APBB3: variants seen among roughly 807,000 people sequenced by gnomAD.
The protein encoded by APBB3 is amyloid beta precursor protein binding family B member 3.
A neutral mutation model predicts 61.5 loss-of-function variants in APBB3; 50 were observed. That is an observed-to-expected ratio of 0.81 (90% CI 0.65 to 1.03). The LOEUF is 1.03. APBB3 is among the 50% of genes least tolerant of loss of function. The pLI is 0.00. For synonymous variants in APBB3, 235 were observed against 233.0 expected, an observed-to-expected ratio of 1.01 and a Z score of -0.08; for missense variants, 550 against 637.4, an observed-to-expected ratio of 0.86 and a Z score of 1.48.
chr5:140,560,707 C>G lies in APBB3; in HGVS notation c.964G>C (p.Asp322His), dbSNP rs1256622127. The change falls in exon 11 of 13, where the codon GAC becomes CAC. Residue 322 changes from aspartate to histidine, a missense_variant. By Grantham distance (81) the Asp-to-His change is moderately conservative. Transcript: ENST00000357560. This position sits in a 1 kb window ranked among gnomAD's most constrained non-coding sequence, Gnocchi z 5.1. ...ATGGTGGGGACCCAGGCATTCCGGT[C>G]CCCCCTGGCGGTGAGGGTACCAATG... ...EAIGTLTARG[D>H]RNAWVPTMLS... The G allele has an allele frequency of 1.2e-6, 2 of 1,613,876 alleles. No individual in the cohort carries two copies. Among genetic ancestry groups the G allele is most frequent in the Non-Finnish European group, 1.7e-6 (2 of 1,179,942 alleles).
Position 140,558,314 on chromosome 5 carries a change from G to A in APBB3, c.*271C>T. The A allele has an allele frequency of 1.9e-6, 1 of 533,168 alleles. No individual in the cohort carries two copies. Among genetic ancestry groups the A allele is most frequent in the East Asian group, 3.5e-5 (1 of 28,596 alleles). 33.0% of individuals were successfully genotyped at this position (533,168 alleles called of 1,614,324 possible). On this transcript the variant is annotated 3_prime_UTR_variant, in exon 13 of 13. Transcript: ENST00000357560. Reference sequence around the variant, plus strand: ...ATTTGCACTGATTTTGCTATAAAGTGTTACTGAGGTAGAGCCAACTGTCCA... The same window carrying A: ...ATTTGCACTGATTTTGCTATAAAGTATTACTGAGGTAGAGCCAACTGTCCA...
In APBB3 at chr5:140,558,832, G is replaced by A. The variant is rs762823479; in HGVS notation, c.1225-11C>T. 6.2e-7 allele frequency: 1 copy of A among 1,610,572 alleles called. No individual in the cohort carries two copies. The highest frequency in any genetic ancestry group is 8.5e-7 in the Non-Finnish European group (1 of 1,178,552). ...CTTCTGGTACTGAACCTAGGGAGAA[G>A]GGGAATGTGAGGATCCAGCTACTTT... On this transcript the variant is annotated splice_polypyrimidine_tract_variant and intron_variant, in intron 12 of 12. Transcript: ENST00000357560.
rs1221166844 is a variant in APBB3 at position 140,560,712 on chromosome 5, C to G, written c.959G>C (p.Arg320Thr). The G allele has an allele frequency of 1.9e-6, 3 of 1,614,214 alleles. No individual in the cohort carries two copies. Among genetic ancestry groups the G allele is most frequent in the Admixed American group, 1.7e-5 (1 of 60,026 alleles). Residue 320 changes from arginine (R) to threonine (T), a missense_variant, in exon 11 of 13, where the codon AGG (arginine) becomes ACG (threonine). Physicochemically the swap from Arg to Thr is moderately conservative, Grantham distance 71. Transcript: ENST00000357560. This position sits in a 1 kb window ranked among gnomAD's most constrained non-coding sequence, Gnocchi z 5.1. Reference protein sequence around the residue: ...LNEAIGTLTARGDRNAWVPTM... With the variant: ...LNEAIGTLTATGDRNAWVPTM... ...GGGGACCCAGGCATTCCGGTCCCCC[C>G]TGGCGGTGAGGGTACCAATGGCCTC...
At chr5:140,562,324 C>T (rs1320060337) in intron 5 of APBB3, 29 bp downstream of exon 5, 1 of 1,612,818 alleles carries the variant, frequency 6.2e-7, no homozygotes, top group African/African-American at 1.3e-5. Context: ...GCCCTGGGCC[C>T]AAACCATTAA....
Position 140,561,114 on chromosome 5 carries a change from C to T in APBB3, c.833-13G>A, listed in dbSNP as rs1226434022. On this transcript the variant is annotated splice_polypyrimidine_tract_variant and intron_variant, in intron 9 of 12. Coordinates refer to ENST00000357560, the MANE Select transcript of APBB3 (RefSeq NM_133173.3). ...TCCAGCAGCTCCACTGAAATATACA[C>T]ACCAAGTTGGCCTGGAAGCTCTTTC... is the stretch of plus-strand genomic sequence containing the variant. 6.2e-7 allele frequency: 1 copy of T among 1,614,030 alleles called. No homozygotes were observed. Among genetic ancestry groups the T allele is most frequent in the Non-Finnish European group, 8.5e-7 (1 of 1,179,980 alleles).
At chr5:140,562,639 A>G (rs776030408) in intron 4 of APBB3, 24 bp downstream of exon 4, 29 of 1,613,828 alleles carry the variant, frequency 1.8e-5, no homozygotes, top group Non-Finnish European at 2.4e-5. Context: ...GGACCTCCCA[A>G]TGCCCTCAGG....
At position 140,560,254 on chromosome 5, in the gene APBB3, T is replaced by C. The variant is rs1177681188; in HGVS notation, c.1224+59A>G. The C allele has an allele frequency of 3.9e-6, 6 of 1,552,898 alleles. No homozygotes were observed. Among genetic ancestry groups the C allele is most frequent in the Non-Finnish European group, 4.4e-6 (5 of 1,139,964 alleles). ...AGAGGCTGCCGACCCGGAGCCCAAGTAAACAGTGGAGAGCAGCTGCAGGGC... is the reference window on the plus strand; with the variant it reads ...AGAGGCTGCCGACCCGGAGCCCAAGCAAACAGTGGAGAGCAGCTGCAGGGC... On this transcript the variant is annotated intron_variant, in intron 12 of 12. Transcript: ENST00000357560. The surrounding 1 kb of genome is among the most constrained non-coding windows in gnomAD (Gnocchi z 5.1).
chr5:140,563,421 A>T, intron 3 of APBB3, 173 bp downstream of exon 3: 2 of 713,840 alleles, frequency 2.8e-6, no homozygotes, highest in Non-Finnish European at 4.9e-6. Context: ...AGAACAAGGG[A>T]TAAAACTCAA....
In APBB3 at chr5:140,560,546, C is replaced by T. The variant is rs1337589580; in HGVS notation, c.1033-42G>A. 2 of 1,606,276 alleles carry T rather than the reference C, an allele frequency of 1.2e-6. No individual in the cohort carries two copies. Among genetic ancestry groups the T allele is most frequent in the Non-Finnish European group, 1.7e-6 (2 of 1,174,816 alleles). ...TAGTCACTAGAGGGCCAAGCACGGG[C>T]CAGACCCACTTAACTTTTCCGACAG... On this transcript the variant is annotated intron_variant, in intron 11 of 12. Transcript: ENST00000357560. This position sits in a 1 kb window ranked among gnomAD's most constrained non-coding sequence, Gnocchi z 5.1.
rs751386125 is a variant in APBB3 at position 140,560,795 on chromosome 5, A to G, written c.917-41T>C. ...CAGCGTGTCTCCCAGTGTAAAAGAA[A>G]GAGTCTGCAGGGAGTGTCTAGCCCC... On this transcript the variant is annotated intron_variant, in intron 10 of 12. Coordinates refer to ENST00000357560, the MANE Select transcript of APBB3 (RefSeq NM_133173.3). This position sits in a 1 kb window ranked among gnomAD's most constrained non-coding sequence, Gnocchi z 5.1. 2 of 1,577,664 alleles carry G rather than the reference A, an allele frequency of 1.3e-6. No homozygotes were observed. Among genetic ancestry groups the G allele is most frequent in the East Asian group, 2.2e-5 (1 of 44,576 alleles).
At chr5:140,561,252 A>T in intron 9 of APBB3, 113 bp downstream of exon 9, 1 of 1,480,944 alleles carries the variant, frequency 6.8e-7, no homozygotes, top group African/African-American at 1.4e-5. Context: ...GATCCCTGAG[A>T]CCAGACATCT....
At chr5:140,558,900 G>A in intron 12 of APBB3, 79 bp from the exon 13 acceptor site, 1 of 1,298,342 alleles carries the variant, frequency 7.7e-7, no homozygotes, top group Non-Finnish European at 1.1e-6. Flanking sequence ...ACAGGGAACT[G>A]GCCAAAGCTT....
chr5:140,561,286 T>C, intron 9 of APBB3, 79 bp downstream of exon 9: 1 of 1,550,478 alleles, frequency 6.4e-7, no homozygotes, highest in Non-Finnish European at 8.9e-7. Context: ...ACAGAAGTAT[T>C]AAATAACCAG....
Position 140,564,358 on chromosome 5 carries a change from A to C in APBB3, c.-113T>G, listed in dbSNP as rs919515075. ...TCTCTGCGCCGCAGGCTGCGGGGCC[A>C]GCTGGCGCCGCACAAATACGGGGCG... On this transcript the variant is annotated 5_prime_UTR_variant, in exon 1 of 13. Coordinates refer to ENST00000357560, the MANE Select transcript of APBB3 (RefSeq NM_133173.3). The surrounding 1 kb of genome is among the most constrained non-coding windows in gnomAD (Gnocchi z 5.0). The C allele has an allele frequency of 2.2e-6, 3 of 1,336,512 alleles. No homozygotes were observed. The highest frequency in any genetic ancestry group is 2.4e-5 in the East Asian group (1 of 40,962). 82.8% of individuals were successfully genotyped at this position (1,336,512 alleles called of 1,614,324 possible).
At position 140,558,554 on chromosome 5, in the gene APBB3, G is replaced by A; in HGVS notation, c.*31C>T. ...CGGTACAGAGTTAGGCATGGACCCA[G>A]AGCCTACTTCCCCAGCCTTCCCAGA... On this transcript the variant is annotated 3_prime_UTR_variant, in exon 13 of 13. Transcript: ENST00000357560. 1 of 1,601,934 alleles carries A rather than the reference G, an allele frequency of 6.2e-7. No homozygotes were observed. Among genetic ancestry groups the A allele is most frequent in the Non-Finnish European group, 8.6e-7 (1 of 1,168,782 alleles).
intron 3 of APBB3, 121 bp from the exon 4 acceptor site, chr5:140,562,844 T>C: frequency 1.1e-6 from 1 of 899,598 alleles, no homozygotes; most frequent in Non-Finnish European, 1.8e-6. Flanking sequence ...ACCAGAAATA[T>C]AAAACCAGAG....
Position 140,564,243 on chromosome 5 carries a change from C to CATA in APBB3, c.-1_2dup (p.Pro1_?0). On this transcript the variant is annotated start_lost and start_retained_variant, in exon 1 of 13. Coordinates refer to ENST00000357560, the MANE Select transcript of APBB3 (RefSeq NM_133173.3). This position sits in a 1 kb window ranked among gnomAD's most constrained non-coding sequence, Gnocchi z 5.0. ...TGGCCAGCATGTAATCCTTGCCCAG[C>CATA]ATAACCCCGGCTGCTCCCCGCCAGC... The CATA allele has an allele frequency of 1.2e-6, 2 of 1,611,444 alleles. No individual in the cohort carries two copies. The highest frequency in any genetic ancestry group is 8.5e-7 in the Non-Finnish European group (1 of 1,180,004).
rs556738570 is a variant in APBB3, at chr5:140,564,326, C to A, written c.-81G>T. The stretch of plus-strand genomic sequence containing the variant: ...CCTCTGGAGCTACTGCGCCTGCAAG[C>A]CCAGCCTCTCTGCGCCGCAGGCTGC... On this transcript the variant is annotated 5_prime_UTR_variant, in exon 1 of 13. Coordinates refer to ENST00000357560, the MANE Select transcript of APBB3 (RefSeq NM_133173.3). This position sits in a 1 kb window ranked among gnomAD's most constrained non-coding sequence, Gnocchi z 5.0. 5.2e-6 allele frequency: 8 copies of A among 1,542,808 alleles called. No individual in the cohort carries two copies. The South Asian group carries it at 9.0e-5, about 17-fold the overall frequency.
In APBB3 at chr5:140,560,370, G is replaced by A; in HGVS notation, c.1167C>T (p.Ala389=). Residue 389 remains alanine, a synonymous_variant, in exon 12 of 13, where the codon GCC becomes GCT. Transcript: ENST00000357560. The surrounding 1 kb of genome is among the most constrained non-coding windows in gnomAD (Gnocchi z 5.1). ...CCCCTGCATGGGGCTGGCACCAGAAGGCTGCGCACTGGAAGCTCTGACGGC... is the reference window on the plus strand; with the variant it reads ...CCCCTGCATGGGGCTGGCACCAGAAAGCTGCGCACTGGAAGCTCTGACGGC... ...DLGRQSFQCA[A]FWCQPHAGGL... 1.9e-6 allele frequency: 3 copies of A among 1,613,952 alleles called. No individual in the cohort carries two copies. Among genetic ancestry groups the A allele is most frequent in the Non-Finnish European group, 2.5e-6 (3 of 1,180,016 alleles).
Sources: gnomAD v4.1 joint callset for allele counts on GRCh38, gnomAD v4.1.1 for gene constraint, Gnocchi (gnomAD v3.1) non-coding constraint, MANE v1.5 for transcripts, NCBI Gene and HGNC (gene_info 2026-07-23, HGNC 2026-07-21) for gene names.